WDR91: variants seen among roughly 807,000 people sequenced by gnomAD.
The protein encoded by WDR91 is WD repeat domain 91.
WDR91 carries 52 observed loss-of-function variants against 88.4 expected under a neutral mutation model. The ratio of observed to expected loss-of-function variants is 0.59; its 90% CI spans 0.47 to 0.74. WDR91 has a LOEUF of 0.74. WDR91 is among the 30% of genes least tolerant of loss of function. WDR91 has a pLI of 0.00. For missense variants in WDR91, 824 were observed against 954.5 expected (o/e 0.86, Z 1.80); for synonymous variants, 362 against 389.5 (o/e 0.93, Z 0.83).
chr7:135,193,967 T>C, intron 9 of WDR91: 1 of 342,098 alleles, frequency 2.9e-6, no homozygotes, highest in Non-Finnish European at 5.5e-6. Flanking sequence ...GGCCCTCTGA[T>C]CCTCCCTTTC....
intron 1 of WDR91, 123 bp downstream of exon 1, chr7:135,211,257 G>A (rs973606971): frequency 1.4e-6 from 2 of 1,415,108 alleles, no homozygotes; most frequent in East Asian, 2.6e-5. Flanking sequence ...GACGCGCTGA[G>A]GTCTCCGGCG....
At chr7:135,193,531 A>G (rs1831250829) in intron 10 of WDR91, 47 bp downstream of exon 10, 5 of 1,612,888 alleles carry the variant, frequency 3.1e-6, no homozygotes, top group Non-Finnish European at 3.4e-6. Context: ...CGCGGACCAC[A>G]CTTGGCAGCC....
chr7:135,206,635 T>C (rs559473130), intron 4 of WDR91, among the ~76,000 whole-genome samples: 1 of 152,100 alleles, frequency 6.6e-6, no homozygotes, highest in Admixed American at 6.5e-5. Flanking sequence ...CCTGGCTCTA[T>C]TGTTTTATCA....
intron 6 of WDR91, among the ~76,000 whole-genome samples, chr7:135,201,311 T>A (rs1831559799): frequency 6.9e-6 from 1 of 144,254 alleles, no homozygotes; most frequent in South Asian, 2.2e-4. Flanking sequence ...TAATTAGAGA[T>A]CCTAGAAGGG....
At position 135,183,965 on chromosome 7, in the gene WDR91, G is replaced by A. The variant is rs1201037369; in HGVS notation, c.*2186C>T. 1 of 152,166 alleles carries A rather than the reference G, an allele frequency of 6.6e-6. No homozygotes were observed. The highest frequency in any genetic ancestry group is 2.4e-5 in the African/African-American group (1 of 41,444). 9.4% of individuals were successfully genotyped at this position (152,166 alleles called of 1,614,324 possible). A position where few individuals can be genotyped will look rare whatever the true frequency, so the allele number is the denominator to read the frequency against. On this transcript the variant is annotated 3_prime_UTR_variant, in exon 15 of 15. Coordinates refer to ENST00000354475, the MANE Select transcript of WDR91 (RefSeq NM_014149.4). ...GATCCTTAAAGCATCTCAGCAAGCT[G>A]TAGAGATGGTATTAAGGGGAGAGAA...
intron 11 of WDR91, among the ~76,000 whole-genome samples, chr7:135,191,397 C>T (rs749854376): frequency 1.3e-5 from 2 of 151,986 alleles, no homozygotes; most frequent in Non-Finnish European, 2.9e-5. Context: ...CACCTGAGGT[C>T]AGGAGTTCGA....
chr7:135,191,284 AT>A (rs1831154129), intron 11 of WDR91, among the ~76,000 whole-genome samples: 2 of 152,224 alleles, frequency 1.3e-5, no homozygotes, highest in African/African-American at 4.8e-5. Context: ...TTAGGGATAT[AT>A]AGTAATTGAC....
At chr7:135,204,797 T>C (rs1267632892) in intron 5 of WDR91, among the ~76,000 whole-genome samples, 1 of 152,200 alleles carries the variant, frequency 6.6e-6, no homozygotes, top group Non-Finnish European at 1.5e-5. Context: ...ATGAAAAGAA[T>C]AAAATAGCTC....
At position 135,204,474 on chromosome 7, in the gene WDR91, G is replaced by A. The variant is rs1392335101; in HGVS notation, c.726-41C>T. On this transcript the variant is annotated intron_variant, in intron 5 of 14. Transcript: ENST00000354475. ...ACCACAGGGTCAGAGGGCTGAAACA[G>A]GATGTGGAAAAACCAAGAACATAGA... 2.5e-6 allele frequency: 4 copies of A among 1,604,070 alleles called. No homozygotes were observed. In the Admixed American group the frequency reaches 5.1e-5, roughly 20 times the overall value.
chr7:135,199,149 A>C (rs1831480630), intron 6 of WDR91: 1 of 152,172 alleles, frequency 6.6e-6, no homozygotes. Context: ...GTTATTTTTT[A>C]TGTCAACAGT....
chr7:135,203,610 G>T (rs906561492), intron 6 of WDR91, among the ~76,000 whole-genome samples: 5 of 152,204 alleles, frequency 3.3e-5, no homozygotes, highest in African/African-American at 1.2e-4. Flanking sequence ...AAAATGCATG[G>T]ATTCAGAGGT....
chr7:135,204,094 C>A (rs1375186806), intron 6 of WDR91, among the ~76,000 whole-genome samples, 174 bp downstream of exon 6: 1 of 152,196 alleles, frequency 6.6e-6, no homozygotes, highest in Non-Finnish European at 1.5e-5. Flanking sequence ...AGAGGAAAGC[C>A]AGGAAAGGGG....
Position 135,196,155 on chromosome 7 carries a change from G to C in WDR91, c.1233C>G (p.Ile411Met), listed in dbSNP as rs769405958. The C allele has an allele frequency of 6.4e-7, 1 of 1,553,428 alleles. No homozygotes were observed. The highest frequency in any genetic ancestry group is 1.2e-5 in the South Asian group (1 of 83,074). ...QEEYGEHHSS[I>M]MHCRVDCSGR... ...CAGGCCCAACCCACCTGCAGTGCAT[G>C]ATGGATGAGTGGTGTTCCCCGTACT... Residue 411 changes from isoleucine (I) to methionine (M), a missense_variant, in exon 8 of 15, where the codon ATC (isoleucine) becomes ATG (methionine). Coordinates refer to ENST00000354475, the MANE Select transcript of WDR91 (RefSeq NM_014149.4). The surrounding 1 kb of genome is among the most constrained non-coding windows in gnomAD (Gnocchi z 4.2).
intron 11 of WDR91, among the ~76,000 whole-genome samples, chr7:135,191,592 A>G (rs1831166465): frequency 7.7e-6 from 1 of 130,644 alleles, no homozygotes. Flanking sequence ...GTGACAGAGC[A>G]AGACTCCATC....
intron 13 of WDR91, among the ~76,000 whole-genome samples, chr7:135,187,627 A>G (rs980351076): frequency 1.3e-5 from 2 of 152,158 alleles, no homozygotes; most frequent in South Asian, 2.1e-4. Context: ...AAGTCCACAT[A>G]TATTTCCAGT....
rs188324281 is a variant in WDR91, at chr7:135,210,826, C to A, written c.123+554G>T. ...ATACAAATCACACACATATACATTC[C>A]AAGAACCTCGCAATGGAAAATCATT... On this transcript the variant is annotated intron_variant, in intron 1 of 14. Coordinates refer to ENST00000354475, the MANE Select transcript of WDR91 (RefSeq NM_014149.4). 82 of 703,726 alleles carry A rather than the reference C, an allele frequency of 1.2e-4. 1 individual carries two copies. The Middle Eastern group carries it at 1.4e-3, about 12-fold the overall frequency. 43.6% of individuals were successfully genotyped at this position (703,726 alleles called of 1,614,324 possible).
At chr7:135,187,218 G>A (rs1357272701) in intron 13 of WDR91, 49 bp from the exon 14 acceptor site, 3 of 1,598,416 alleles carry the variant, frequency 1.9e-6, no homozygotes, top group Non-Finnish European at 2.6e-6. Context: ...GCTGGCCAAT[G>A]CAGGCCTCAA....
chr7:135,209,943 G>T, intron 1 of WDR91, 188 bp from the exon 2 acceptor site: 1 of 484,986 alleles, frequency 2.1e-6, no homozygotes. Context: ...TTAGAGAAGT[G>T]GTTTGACCCT....
rs867678719 is a variant in WDR91, at chr7:135,206,030, C to T, written c.623G>A (p.Arg208Gln). The stretch of plus-strand genomic sequence containing the variant: ...TGGCTGTTGCTCCTCTTTCTTCAGT[C>T]GGTGGATTTCAGCTTGCAATGCAAA... Reference protein sequence around the residue: ...KLFALQAEIHRLKKEEQQPEE... With the variant: ...KLFALQAEIHQLKKEEQQPEE... The change falls in exon 5 of 15, where the codon CGA becomes CAA. Residue 208 changes from arginine to glutamine, a missense_variant. Arg to Gln is a conservative substitution (Grantham distance 43, BLOSUM62 1). Transcript: ENST00000354475. 3.1e-6 allele frequency: 5 copies of T among 1,614,052 alleles called. No homozygotes were observed. Among genetic ancestry groups the T allele is most frequent in the South Asian group, 2.2e-5 (2 of 91,076 alleles).
Sources: gnomAD v4.1 joint callset for allele counts (sites outside exome capture counted in the v4.1 genomes callset) on GRCh38, gnomAD v4.1.1 for gene constraint, Gnocchi (gnomAD v3.1) non-coding constraint, MANE v1.5 for transcripts, NCBI Gene and HGNC (gene_info 2026-07-23, HGNC 2026-07-21) for gene names.